Variants in PTPRK observed in about 807,000 individuals in gnomAD.
PTPRK encodes protein tyrosine phosphatase receptor type K.
PTPRK carries 75 observed loss-of-function variants against 178.0 expected under a neutral mutation model. The ratio of observed to expected loss-of-function variants is 0.42; its 90% CI spans 0.35 to 0.51. PTPRK has a LOEUF of 0.51. PTPRK is among the 20% of genes least tolerant of loss of function. The probability of loss-of-function intolerance (pLI) is 0.02; values close to 1 mark genes in which losing one functional copy is unlikely to be tolerated. For synonymous variants in PTPRK, 637 were observed against 620.6 expected, an observed-to-expected ratio of 1.03 and a Z score of -0.39; for missense variants, 1,441 against 1,797.8, an observed-to-expected ratio of 0.80 and a Z score of 3.59.
intron 2 of PTPRK, among the ~76,000 whole-genome samples, chr6:128,322,981 T>A (rs1204533221): frequency 6.6e-6 from 1 of 151,972 alleles, no homozygotes; most frequent in African/African-American, 2.4e-5. Context: ...CCACTTGGAG[T>A]CTCACCCACT....
chr6:128,091,029 T>C (rs552857932), intron 7 of PTPRK, among the ~76,000 whole-genome samples: 21 of 152,290 alleles, frequency 1.4e-4, no homozygotes, highest in Non-Finnish European at 2.4e-4. Flanking sequence ...ATCACAGTTC[T>C]GTAAAAACAA....
At chr6:128,427,864 G>A (rs999247581) in intron 1 of PTPRK, among the ~76,000 whole-genome samples, 14 of 152,026 alleles carry the variant, frequency 9.2e-5, no homozygotes, top group East Asian at 1.9e-4. Context: ...AGGCTGAGGC[G>A]GGCAGATCAT....
chr6:128,299,896 T>C (rs1206779234), intron 3 of PTPRK, among the ~76,000 whole-genome samples: 1 of 152,014 alleles, frequency 6.6e-6, no homozygotes, highest in African/African-American at 2.4e-5. Flanking sequence ...CTAAAGAGCC[T>C]CTGCACAGCA....
chr6:128,199,803 C>A (rs532831680), intron 6 of PTPRK, among the ~76,000 whole-genome samples: 12 of 152,104 alleles, frequency 7.9e-5, no homozygotes, highest in Non-Finnish European at 1.6e-4. Flanking sequence ...CAAACATGGG[C>A]GTCTATGTTT....
At chr6:128,501,391 T>TCACACACACA (rs67621491) in intron 1 of PTPRK, among the ~76,000 whole-genome samples, 80 of 145,668 alleles carry the variant, frequency 5.5e-4, no homozygotes, top group African/African-American at 1.8e-3. Flanking sequence ...TAAACTCAAA[T>TCACACACACA]CACACACACA....
intron 1 of PTPRK, among the ~76,000 whole-genome samples, chr6:128,409,942 G>A (rs1044665774): frequency 2.6e-5 from 4 of 152,104 alleles, no homozygotes; most frequent in Non-Finnish European, 4.4e-5. Flanking sequence ...TATCAGCAGC[G>A]TGAAAATGGA....
At chr6:128,134,556 A>G (rs528095283) in intron 7 of PTPRK, among the ~76,000 whole-genome samples, 1 of 152,264 alleles carries the variant, frequency 6.6e-6, no homozygotes, top group Admixed American at 6.5e-5. Flanking sequence ...CATGTCTGTA[A>G]TCCCAGCACT....
chr6:128,478,383 C>A (rs572347346), intron 1 of PTPRK, among the ~76,000 whole-genome samples: 4 of 152,098 alleles, frequency 2.6e-5, no homozygotes, highest in Non-Finnish European at 4.4e-5. Flanking sequence ...TCAAGTACTG[C>A]TTGGTACTTT....
At chr6:128,068,216 C>A (rs956868473) in intron 11 of PTPRK, among the ~76,000 whole-genome samples, 9 of 152,282 alleles carry the variant, frequency 5.9e-5, no homozygotes, top group Admixed American at 2.0e-4. Flanking sequence ...AGAATGACTG[C>A]CTCAGGGCGG....
intron 13 of PTPRK, chr6:128,063,367 A>G (rs1781197216): frequency 6.6e-6 from 1 of 152,202 alleles, no homozygotes; most frequent in Non-Finnish European, 1.5e-5. Context: ...GGACACAAAC[A>G]TCTCAGGCAA....
Position 128,322,238 on chromosome 6 carries a change from T to C in PTPRK, c.296A>G (p.Lys99Arg), listed in dbSNP as rs1233471622. Reference protein sequence around the residue: ...EKARLQLPTMKENDTHCIDFS... With the variant: ...EKARLQLPTMRENDTHCIDFS... ...ATCAATGCAGTGAGTGTCGTTCTCC[T>C]TCATTGTAGGCAGCTGAAGTCTGGC... is the stretch of plus-strand genomic sequence containing the variant. Residue 99 changes from lysine (K) to arginine (R), a missense_variant, in exon 3 of 30, where the codon AAG becomes AGG. This residue lies in a region of PTPRK where 158 missense variants were observed against 188.0 expected (regional missense o/e 0.84). Coordinates refer to ENST00000368226, the MANE Select transcript of PTPRK (RefSeq NM_002844.4). The C allele has an allele frequency of 1.2e-6, 2 of 1,613,342 alleles. No homozygotes were observed. The highest frequency in any genetic ancestry group is 1.6e-4 in the Middle Eastern group (1 of 6,062).
At position 128,224,135 on chromosome 6, in the gene PTPRK, C is replaced by T. The variant is rs561872834; in HGVS notation, c.694-5039G>A. On this transcript the variant is annotated intron_variant, in intron 5 of 29. Coordinates refer to ENST00000368226, the MANE Select transcript of PTPRK (RefSeq NM_002844.4). ...TTCTCCATTGCAAATGTATACCCAC[C>T]TCTGAGAAGTACTGAAAAATGAATC... Among the ~76,000 whole-genome samples the T allele has an allele frequency of 1.1e-3, 168 of 152,258 alleles. 1 individual carries two copies. The highest frequency in any genetic ancestry group is 3.4e-3 in the Middle Eastern group (1 of 294).
At chr6:128,315,052 C>A (rs962835212) in intron 3 of PTPRK, among the ~76,000 whole-genome samples, 1 of 151,990 alleles carries the variant, frequency 6.6e-6, no homozygotes, top group Admixed American at 6.6e-5. Context: ...AAACAAAACA[C>A]AGAAATTCAT....
At chr6:128,318,246 T>A (rs542521935) in intron 3 of PTPRK, among the ~76,000 whole-genome samples, 17 of 152,322 alleles carry the variant, frequency 1.1e-4, no homozygotes, top group Admixed American at 2.0e-4. Context: ...TTAGAGGCTT[T>A]TTATTCAAGT....
In PTPRK at chr6:128,361,772, C is replaced by T. The variant is rs556785281; in HGVS notation, c.223+35794G>A. Among the ~76,000 whole-genome samples the T allele has an allele frequency of 9.2e-5, 14 of 151,986 alleles. No homozygotes were observed. In the East Asian group the frequency reaches 9.6e-4, roughly 10 times the overall value. On this transcript the variant is annotated intron_variant, in intron 2 of 29. Coordinates refer to ENST00000368226, the MANE Select transcript of PTPRK (RefSeq NM_002844.4). ...GTATAATCTTATCAGATTGTATATACGCAGTCTATCATTGACCAAAACATC... is the reference window on the plus strand; with the variant it reads ...GTATAATCTTATCAGATTGTATATATGCAGTCTATCATTGACCAAAACATC...
At chr6:128,397,123 G>A (rs530945432) in intron 2 of PTPRK, among the ~76,000 whole-genome samples, 4 of 152,256 alleles carry the variant, frequency 2.6e-5, no homozygotes, top group Non-Finnish European at 5.9e-5. Flanking sequence ...GCATGCTCAT[G>A]ACCACTGGGA....
At chr6:128,222,575 C>T (rs1216356211) in intron 5 of PTPRK, among the ~76,000 whole-genome samples, 1 of 152,218 alleles carries the variant, frequency 6.6e-6, no homozygotes, top group Non-Finnish European at 1.5e-5. Flanking sequence ...AGTTCCTGTG[C>T]TGTGACAGTT....
chr6:128,430,438 A>T (rs1053372381), intron 1 of PTPRK, among the ~76,000 whole-genome samples: 6 of 152,196 alleles, frequency 3.9e-5, no homozygotes, highest in African/African-American at 1.4e-4. Flanking sequence ...GAAGTCTTTG[A>T]CTTTACTTGA....
intron 3 of PTPRK, among the ~76,000 whole-genome samples, chr6:128,304,633 C>A (rs1454657737): frequency 6.6e-6 from 1 of 152,126 alleles, no homozygotes; most frequent in Non-Finnish European, 1.5e-5. Context: ...ACATATATAA[C>A]TCTACCAATT....
Sources: gnomAD v4.1 joint callset for allele counts (sites outside exome capture counted in the v4.1 genomes callset) on GRCh38, gnomAD v4.1.1 for gene constraint, gnomAD v4.1.1 regional missense constraint, MANE v1.5 for transcripts, NCBI Gene and HGNC (gene_info 2026-07-23, HGNC 2026-07-21) for gene names.